Variants in RYR3 observed in about 807,000 individuals in gnomAD.
The protein encoded by RYR3 is brain ryanodine receptor-calcium release channel.
In RYR3, 207 loss-of-function variants were observed where a neutral mutation model predicts 584.3. The ratio of observed to expected loss-of-function variants is 0.35; its 90% CI spans 0.32 to 0.40. RYR3 has a LOEUF of 0.40. Among genes scored for constraint, RYR3 ranks in the 10% least tolerant of loss-of-function variants. RYR3 has a pLI of 1.00. For synonymous variants in RYR3, 2,416 were observed against 2,248.5 expected (o/e 1.07, Z -2.11); for missense variants, 5,616 against 6,089.2 (o/e 0.92, Z 2.59).
chr15:33,714,758 A>C (rs1464578006), intron 43 of RYR3, among the ~76,000 whole-genome samples: 2 of 152,178 alleles, frequency 1.3e-5, no homozygotes, highest in African/African-American at 4.8e-5. Flanking sequence ...CAGTGGCCAT[A>C]ACTTGGACAT....
In RYR3 at chr15:33,773,581, T is replaced by C; in HGVS notation, c.9103T>C (p.Ser3035Pro). Residue 3035 changes from serine to proline, a missense_variant, in exon 64 of 104, where the codon TCC becomes CCC. By Grantham distance (74) the Ser-to-Pro change is moderately conservative. Transcript: ENST00000634891. ...CTACCACATACTGTGCAGCCTCTAC[T>C]CCCTTGGGACGGGAAAGAACATTTA... ...SCYHILCSLY[S>P]LGTGKNIYVE... is the part of the protein sequence containing the mutation. 1 of 1,609,536 alleles carries C rather than the reference T, an allele frequency of 6.2e-7. No homozygotes were observed. The highest frequency in any genetic ancestry group is 8.5e-7 in the Non-Finnish European group (1 of 1,177,748).
chr15:33,675,620 G>C (rs1566931880), intron 38 of RYR3, among the ~76,000 whole-genome samples: 1 of 152,192 alleles, frequency 6.6e-6, no homozygotes, highest in Non-Finnish European at 1.5e-5. Flanking sequence ...CTGTGCCTCA[G>C]TTTTCTCATC....
At chr15:33,526,455 G>A (rs2054397060) in intron 3 of RYR3, among the ~76,000 whole-genome samples, 1 of 152,108 alleles carries the variant, frequency 6.6e-6, no homozygotes, top group Non-Finnish European at 1.5e-5. Context: ...CCAGTCTTGA[G>A]GTCTGGACCT....
At chr15:33,759,363 T>C (rs1336662837) in intron 60 of RYR3, among the ~76,000 whole-genome samples, 1 of 152,176 alleles carries the variant, frequency 6.6e-6, no homozygotes, top group African/African-American at 2.4e-5. Flanking sequence ...TAAAGGAGCA[T>C]GTTCTCGCCC....
At chr15:33,637,527 T>A (rs2061561700) in intron 27 of RYR3, among the ~76,000 whole-genome samples, 2 of 152,238 alleles carry the variant, frequency 1.3e-5, no homozygotes. Context: ...GTTGACTTTA[T>A]TTATCCATTT....
chr15:33,417,911 G>A (rs908963015), intron 1 of RYR3, among the ~76,000 whole-genome samples: 1 of 152,028 alleles, frequency 6.6e-6, no homozygotes, highest in Non-Finnish European at 1.5e-5. Context: ...TTTATTGAAC[G>A]TTTTTTCTTC....
At position 33,540,793 on chromosome 15, in the gene RYR3, T is replaced by A. The variant is rs775963257; in HGVS notation, c.549T>A (p.His183Gln). ...TCTCATTTCTGTTTCTGCTGCAGCA[T>A]CTCTCAGTATCAAATGGTAACATAC... is the stretch of plus-strand genomic sequence containing the variant. Reference protein sequence around the residue: ...LVSVSSERYLHLSVSNGNIQV... With the variant: ...LVSVSSERYLQLSVSNGNIQV... Residue 183 changes from histidine to glutamine, a missense_variant and splice_region_variant, in exon 7 of 104, where the codon CAT becomes CAA. Around this residue, in one of 9 missense-constraint regions of RYR3, gnomAD observed 1,284 missense variants for 1,344.6 expected, o/e 0.95. Transcript: ENST00000634891. 6.3e-7 allele frequency: 1 copy of A among 1,597,906 alleles called. No homozygotes were observed. The highest frequency in any genetic ancestry group is 8.6e-7 in the Non-Finnish European group (1 of 1,165,542).
chr15:33,366,734 A>G (rs1975552291), intron 1 of RYR3, among the ~76,000 whole-genome samples: 1 of 152,216 alleles, frequency 6.6e-6, no homozygotes, highest in Admixed American at 6.5e-5. Context: ...CCATGGGAGC[A>G]TGGAGCCTGG....
intron 3 of RYR3, among the ~76,000 whole-genome samples, chr15:33,528,484 C>G (rs576856306): frequency 6.6e-6 from 1 of 152,280 alleles, no homozygotes; most frequent in South Asian, 2.1e-4. Flanking sequence ...CTTTATCCTC[C>G]TAGTCTATTT....
intron 38 of RYR3, among the ~76,000 whole-genome samples, chr15:33,673,160 T>G (rs2063950461): frequency 6.6e-6 from 1 of 152,254 alleles, no homozygotes; most frequent in African/African-American, 2.4e-5. Context: ...GTGAGATATC[T>G]CACTGTTTTG....
In RYR3 at chr15:33,837,795, A is replaced by G. The variant is rs369140231; in HGVS notation, c.11815A>G (p.Ile3939Val). 2.9e-4 allele frequency: 465 copies of G among 1,613,918 alleles called. 1 individual carries two copies. Among genetic ancestry groups the G allele is most frequent in the Non-Finnish European group, 3.7e-4 (441 of 1,179,894 alleles). Residue 3939 changes from isoleucine (I) to valine (V), a missense_variant, in exon 89 of 104, where the codon ATC becomes GTC. By Grantham distance (29) the Ile-to-Val change is conservative (BLOSUM62 3). Coordinates refer to ENST00000634891, the MANE Select transcript of RYR3 (RefSeq NM_001036.6). ...ATATGACCCAGATGGTAAAGGAATT[A>G]TCTCCAAAAAAGAATTCCAGAAGGC... ...KEYDPDGKGI[I>V]SKKEFQKAME...
At chr15:33,347,564 A>G (rs1972624235) in intron 1 of RYR3, among the ~76,000 whole-genome samples, 1 of 151,328 alleles carries the variant, frequency 6.6e-6, no homozygotes, top group Admixed American at 6.6e-5. Context: ...CTCCTGCCTC[A>G]GCCTCCTGAG....
At chr15:33,407,677 C>T (rs1438867776) in intron 1 of RYR3, among the ~76,000 whole-genome samples, 1 of 152,122 alleles carries the variant, frequency 6.6e-6, no homozygotes, top group Non-Finnish European at 1.5e-5. Flanking sequence ...AATTGCGATT[C>T]ACATAGCTTC....
At position 33,825,793 on chromosome 15, in the gene RYR3, C is replaced by T. The variant is rs555639518; in HGVS notation, c.11146+117C>T. On this transcript the variant is annotated intron_variant, in intron 82 of 103. Transcript: ENST00000634891. ...TGTTGCTCAGGCTGGACTGCAGTGG[C>T]GCGATCTCACCTCACTGCAACCTCT... 6.0e-5 allele frequency: 38 copies of T among 633,552 alleles called. 1 individual carries two copies. The East Asian group carries it at 6.4e-4, about 11-fold the overall frequency. The allele number at this position is 633,552 out of a possible 1,614,324, so 39.2% of individuals were successfully genotyped here.
In RYR3 at chr15:33,479,943, A is replaced by G. The variant is rs540045595; in HGVS notation, c.171+6405A>G. On this transcript the variant is annotated intron_variant, in intron 2 of 103. Transcript: ENST00000634891. ...ATAAAGCAGTGTTAAATTTTTGTAC[A>G]GCTAATATTTTACAATATAAATGAG... 1.2e-3 allele frequency among the ~76,000 whole-genome samples: 189 copies of G among 152,346 alleles called. 2 individuals carry two copies. Among genetic ancestry groups the G allele is most frequent in the African/African-American group, 4.1e-3 (171 of 41,582 alleles).
intron 1 of RYR3, among the ~76,000 whole-genome samples, chr15:33,338,165 T>C (rs919706328): frequency 6.6e-6 from 1 of 152,050 alleles, no homozygotes; most frequent in Non-Finnish European, 1.5e-5. Context: ...CGGGATGATC[T>C]CGATCTTCTG....
At chr15:33,529,507 G>T (rs2054671138) in intron 3 of RYR3, among the ~76,000 whole-genome samples, 1 of 152,120 alleles carries the variant, frequency 6.6e-6, no homozygotes, top group Non-Finnish European at 1.5e-5. Flanking sequence ...TGGGCTGCCA[G>T]TCTGTAACTC....
intron 1 of RYR3, among the ~76,000 whole-genome samples, chr15:33,318,869 GA>G (rs1968560123): frequency 6.6e-6 from 1 of 152,182 alleles, no homozygotes; most frequent in South Asian, 2.1e-4. Flanking sequence ...AAGTGTTTGA[GA>G]GACAAAACCT....
chr15:33,717,023 C>G (rs1035669976), intron 43 of RYR3, among the ~76,000 whole-genome samples: 4 of 152,168 alleles, frequency 2.6e-5, no homozygotes, highest in Non-Finnish European at 5.9e-5. Flanking sequence ...CTATGGCATT[C>G]AAGTTTTATT....
Sources: allele counts gnomAD v4.1 joint callset (sites outside exome capture counted in the v4.1 genomes callset), GRCh38; gene constraint gnomAD v4.1.1; regional missense constraint gnomAD v4.1.1; transcripts MANE v1.5; gene names NCBI Gene and HGNC (gene_info 2026-07-23, HGNC 2026-07-21).